The following NRXN3 variants were observed in gnomAD, a reference collection of about 807,000 sequenced individuals.
NRXN3 encodes neurexin III.
A neutral mutation model predicts 137.6 loss-of-function variants in NRXN3; 32 were observed. The ratio of observed to expected loss-of-function variants is 0.23; its 90% CI spans 0.18 to 0.31. The LOEUF (loss-of-function observed/expected upper bound fraction) is 0.31. Among genes scored for constraint, NRXN3 ranks in the 10% least tolerant of loss-of-function variants. NRXN3 has a pLI of 1.00. For missense variants in NRXN3, 1,574 were observed against 2,062.5 expected (o/e 0.76, Z 4.59); for synonymous variants, 798 against 784.5 (o/e 1.02, Z -0.29).
chr14:79,568,082 A>C (rs1231108999), intron 16 of NRXN3, among the ~76,000 whole-genome samples: 1 of 152,174 alleles, frequency 6.6e-6, no homozygotes, highest in African/African-American at 2.4e-5. Flanking sequence ...ACAGAATTAG[A>C]AAGTGATGAG....
chr14:78,889,179 A>G (rs1416047710), intron 10 of NRXN3, among the ~76,000 whole-genome samples: 2 of 151,938 alleles, frequency 1.3e-5, no homozygotes, highest in African/African-American at 2.4e-5. Context: ...TCCATTTCTT[A>G]TGATATTTAA....
chr14:79,000,890 A>G (rs999059526), intron 15 of NRXN3, among the ~76,000 whole-genome samples: 1 of 152,214 alleles, frequency 6.6e-6, no homozygotes, highest in African/African-American at 2.4e-5. Flanking sequence ...TAATCCCTAC[A>G]ACACAGCACA....
At chr14:78,960,995 G>C (rs1470276683) in intron 11 of NRXN3, among the ~76,000 whole-genome samples, 1 of 150,652 alleles carries the variant, frequency 6.6e-6, no homozygotes. Flanking sequence ...TCATTGATAA[G>C]TATGCAGTAT....
intron 15 of NRXN3, among the ~76,000 whole-genome samples, chr14:79,316,180 A>G (rs1486791765): frequency 5.3e-5 from 8 of 152,244 alleles, no homozygotes; most frequent in Non-Finnish European, 8.8e-5. Context: ...AAAACATTAC[A>G]TTAATCTACA....
chr14:78,902,035 G>A (rs1275385673), intron 10 of NRXN3, among the ~76,000 whole-genome samples: 1 of 152,052 alleles, frequency 6.6e-6, no homozygotes, highest in East Asian at 1.9e-4. Context: ...ATGAAGGCCA[G>A]GCATCAGTAC....
chr14:78,572,241 A>G (rs1382780574), intron 4 of NRXN3, among the ~76,000 whole-genome samples: 1 of 152,118 alleles, frequency 6.6e-6, no homozygotes, highest in Non-Finnish European at 1.5e-5. Flanking sequence ...CTGTCTTTTC[A>G]GTTGCAAGTT....
At chr14:79,540,011 G>C (rs761301699) in intron 16 of NRXN3, among the ~76,000 whole-genome samples, 8 of 152,132 alleles carry the variant, frequency 5.3e-5, no homozygotes, top group Non-Finnish European at 1.2e-4. Flanking sequence ...GAGTAGAGGG[G>C]AGTGAGAAGG....
At chr14:79,596,444 A>G (rs1291671146) in intron 16 of NRXN3, among the ~76,000 whole-genome samples, 1 of 152,148 alleles carries the variant, frequency 6.6e-6, no homozygotes, top group African/African-American at 2.4e-5. Flanking sequence ...CAGGCCCTCA[A>G]ATGTGTTCTG....
intron 16 of NRXN3, among the ~76,000 whole-genome samples, chr14:79,530,044 G>A (rs1298993063): frequency 1.3e-5 from 2 of 152,072 alleles, no homozygotes; most frequent in African/African-American, 4.8e-5. Context: ...GTAGGAGGAG[G>A]AAATATCTGG....
At chr14:79,516,770 T>A (rs2096989523) in intron 16 of NRXN3, among the ~76,000 whole-genome samples, 1 of 152,208 alleles carries the variant, frequency 6.6e-6, no homozygotes, top group Admixed American at 6.5e-5. Flanking sequence ...GTATATATAA[T>A]TCTGCATCTC....
At chr14:79,684,155 A>G (rs2154018407) in intron 17 of NRXN3, among the ~76,000 whole-genome samples, 1 of 152,356 alleles carries the variant, frequency 6.6e-6, no homozygotes, top group African/African-American at 2.4e-5. Context: ...TCCTAGAGTT[A>G]AACATTTTCT....
intron 4 of NRXN3, among the ~76,000 whole-genome samples, chr14:78,538,955 G>A (rs1255955934): frequency 1.3e-5 from 2 of 152,162 alleles, no homozygotes; most frequent in African/African-American, 4.8e-5. Context: ...TGCATCCCAG[G>A]GATGAAGCTG....
At chr14:78,864,028 A>T (rs954048010) in intron 10 of NRXN3, among the ~76,000 whole-genome samples, 3 of 152,192 alleles carry the variant, frequency 2.0e-5, no homozygotes, top group Admixed American at 6.5e-5. Context: ...TAAAATAAAT[A>T]AAATTGAGAT....
intron 19 of NRXN3, among the ~76,000 whole-genome samples, chr14:79,740,712 TTATATATA>T (rs869216055): frequency 4.4e-3 from 71 of 16,086 alleles, no homozygotes; most frequent in Admixed American, 6.1e-3. Flanking sequence ...ATTTAGTTTT[TTATATATA>T]TATATATATA....
At chr14:79,367,775 G>A (rs748528687) in intron 15 of NRXN3, among the ~76,000 whole-genome samples, 1 of 152,160 alleles carries the variant, frequency 6.6e-6, no homozygotes, top group Admixed American at 6.5e-5. Flanking sequence ...GAGCTAGTAA[G>A]TGGCAGGCTT....
At chr14:79,343,458 G>T (rs72688975) in intron 15 of NRXN3, among the ~76,000 whole-genome samples, 1 of 152,014 alleles carries the variant, frequency 6.6e-6, no homozygotes, top group African/African-American at 2.4e-5. Context: ...TTGGAAAGGC[G>T]GTTTTATAAC....
intron 15 of NRXN3, among the ~76,000 whole-genome samples, chr14:79,058,281 A>G (rs1322487950): frequency 1.3e-5 from 2 of 152,164 alleles, no homozygotes; most frequent in Non-Finnish European, 1.5e-5. Context: ...CAACAGTATC[A>G]GGAAGTCCAG....
intron 15 of NRXN3, among the ~76,000 whole-genome samples, chr14:79,393,826 A>C (rs1341488647): frequency 6.6e-6 from 1 of 152,176 alleles, no homozygotes; most frequent in East Asian, 1.9e-4. Flanking sequence ...AAAAACAAAA[A>C]CAAAAACAAA....
chr14:78,613,785 C>G (rs1459313920), intron 4 of NRXN3, among the ~76,000 whole-genome samples: 1 of 151,980 alleles, frequency 6.6e-6, no homozygotes. Flanking sequence ...GAAATCCTAA[C>G]AGAACATACA....
Sources: gnomAD v4.1 joint callset for allele counts (sites outside exome capture counted in the v4.1 genomes callset) on GRCh38, gnomAD v4.1.1 for gene constraint, MANE v1.5 for transcripts, NCBI Gene and HGNC (gene_info 2026-07-23, HGNC 2026-07-21) for gene names.